Variants in SLC8A1 observed in about 807,000 individuals in gnomAD.
SLC8A1 encodes the protein sodium/calcium exchanger 1.
SLC8A1 carries 18 observed loss-of-function variants against 68.3 expected under a neutral mutation model. The observed-to-expected ratio is 0.26, with a 90% CI of 0.18 to 0.39. The LOEUF (loss-of-function observed/expected upper bound fraction) is 0.39. Ranked by LOEUF, SLC8A1 falls within the 10% of genes least tolerant of loss-of-function variation. SLC8A1 has a pLI of 1.00. For missense variants in SLC8A1, 985 were observed against 1,156.7 expected, an observed-to-expected ratio of 0.85 and a Z score of 2.15; for synonymous variants, 475 against 415.5, an observed-to-expected ratio of 1.14 and a Z score of -1.74.
chr2:40,106,950 C>G (rs2034235816), exon 8 of SLC8A1: 1 of 152,174 alleles, frequency 6.6e-6, no homozygotes, highest in Non-Finnish European at 1.5e-5. Context: ...TGAGAAATCT[C>G]AGGTACCAAC....
At chr2:40,496,923 G>T (rs1389966214) in intron 1 of SLC8A1, among the ~76,000 whole-genome samples, 1 of 124,062 alleles carries the variant, frequency 8.1e-6, no homozygotes, top group Non-Finnish European at 1.6e-5. Flanking sequence ...GGGGACTGTG[G>T]TGGGGTGGGG....
At chr2:40,417,666 GA>G (rs1214693039) in intron 2 of SLC8A1, among the ~76,000 whole-genome samples, 1 of 152,030 alleles carries the variant, frequency 6.6e-6, no homozygotes, top group African/African-American at 2.4e-5. Flanking sequence ...AAGCCACAGG[GA>G]TAAAATGAGG....
chr2:40,354,355 G>A (rs1336968034), intron 2 of SLC8A1, among the ~76,000 whole-genome samples: 8 of 146,206 alleles, frequency 5.5e-5, no homozygotes, highest in Non-Finnish European at 1.2e-4. Context: ...AAGGCATTTT[G>A]TAATCCAAAG....
chr2:40,157,681 A>T (rs917916376), intron 6 of SLC8A1, among the ~76,000 whole-genome samples: 1 of 152,196 alleles, frequency 6.6e-6, no homozygotes, highest in Non-Finnish European at 1.5e-5. Flanking sequence ...TGCTGGCTTC[A>T]TGGAGAAGGG....
intron 1 of SLC8A1, among the ~76,000 whole-genome samples, chr2:40,448,851 G>C (rs1701917936): frequency 6.6e-6 from 1 of 152,038 alleles, no homozygotes; most frequent in Non-Finnish European, 1.5e-5. Context: ...AAGATAAAGG[G>C]ACCAGGAAGA....
At chr2:40,436,370 T>G (rs1699420754) in intron 1 of SLC8A1, among the ~76,000 whole-genome samples, 1 of 152,154 alleles carries the variant, frequency 6.6e-6, no homozygotes, top group Admixed American at 6.5e-5. Flanking sequence ...TGTGAAATGG[T>G]TGCACCCTAA....
intron 2 of SLC8A1, among the ~76,000 whole-genome samples, chr2:40,294,989 T>C (rs1349877228): frequency 6.6e-6 from 1 of 152,086 alleles, no homozygotes; most frequent in Non-Finnish European, 1.5e-5. Flanking sequence ...GTTCAGAACT[T>C]TACCCAAATA....
chr2:40,127,652 C>G (rs759664505), intron 7 of SLC8A1, among the ~76,000 whole-genome samples: 2 of 152,250 alleles, frequency 1.3e-5, no homozygotes, highest in East Asian at 1.9e-4. Context: ...CTACAGCAAG[C>G]CTTTCTTGTT....
At chr2:40,463,290 C>G (rs977914701) in intron 1 of SLC8A1, among the ~76,000 whole-genome samples, 1 of 152,116 alleles carries the variant, frequency 6.6e-6, no homozygotes, top group African/African-American at 2.4e-5. Context: ...AGTTGAGGAA[C>G]TGAAAGGTCA....
At chr2:40,223,837 G>C (rs527664066) in intron 2 of SLC8A1, 2 of 151,818 alleles carry the variant, frequency 1.3e-5, no homozygotes, top group Non-Finnish European at 2.9e-5. Flanking sequence ...GCTTTTTCCC[G>C]AATCTGTTGG....
exon 8 of SLC8A1, chr2:40,115,006 A>G (rs990186532): frequency 1.6e-5 from 4 of 249,428 alleles, no homozygotes; most frequent in African/African-American, 8.9e-5. Context: ...CAACCTGGAG[A>G]GAGTGCAGCC....
intron 2 of SLC8A1, among the ~76,000 whole-genome samples, chr2:40,204,002 C>T (rs927206035): frequency 1.3e-5 from 2 of 151,794 alleles, no homozygotes; most frequent in African/African-American, 4.9e-5. Flanking sequence ...AGGTGTGAGC[C>T]ACCGTGCCCA....
intron 2 of SLC8A1, among the ~76,000 whole-genome samples, chr2:40,393,058 C>T (rs577348432): frequency 1.3e-5 from 2 of 152,084 alleles, no homozygotes; most frequent in African/African-American, 2.4e-5. Flanking sequence ...AGTGTTTCAT[C>T]TTTAGCTGAA....
intron 2 of SLC8A1, among the ~76,000 whole-genome samples, chr2:40,384,454 C>A (rs1002010863): frequency 6.6e-6 from 1 of 151,944 alleles, no homozygotes; most frequent in Non-Finnish European, 1.5e-5. Context: ...GTATAGAAGG[C>A]AACATTCTCT....
At chr2:40,308,505 G>C (rs1575262766) in intron 2 of SLC8A1, among the ~76,000 whole-genome samples, 1 of 152,162 alleles carries the variant, frequency 6.6e-6, no homozygotes, top group African/African-American at 2.4e-5. Flanking sequence ...ATTTCTGCTA[G>C]GCAGTAAATG....
At chr2:40,454,406 T>G (rs2149886433), upstream of SLC8A1, among the ~76,000 whole-genome samples, 1 of 152,256 alleles carries the variant, frequency 6.6e-6, no homozygotes, top group Admixed American at 6.5e-5. Context: ...TTAGGCATGT[T>G]TGTGACATGG....
At position 40,509,437 on chromosome 2, in the gene SLC8A1, ATTTTTTTTT is replaced by A. The variant is rs367549288; in HGVS notation, c.-25+2903_-25+2911del. ...AATCACCTGATCAAGGGGATTTGGA[ATTTTTTTTT>A]TTTTTTTTTTTTTTTTTAAGAATTG... On this transcript the variant is annotated intron_variant, in intron 1 of 7. Coordinates refer to the SLC8A1 transcript ENST00000402441. Among the ~76,000 whole-genome samples, 57 of 113,724 alleles carry A rather than the reference ATTTTTTTTT, an allele frequency of 5.0e-4. No individual in the cohort carries two copies. In the East Asian group the frequency reaches 8.0e-3, roughly 16 times the overall value. 74.6% of individuals were successfully genotyped at this position (113,724 alleles called of 152,430 possible).
chr2:40,401,905 T>C (rs918946247), intron 2 of SLC8A1, among the ~76,000 whole-genome samples: 2 of 152,174 alleles, frequency 1.3e-5, no homozygotes, highest in Admixed American at 6.5e-5. Flanking sequence ...AAAACTGTAA[T>C]TGGGTACTAA....
chr2:40,174,903 G>C, intron 3 of SLC8A1, 61 bp from the exon 5 acceptor site: 2 of 1,523,688 alleles, frequency 1.3e-6, no homozygotes, highest in Non-Finnish European at 1.8e-6. Context: ...ACAAATACCA[G>C]TGACATCAGA....
Sources: gnomAD v4.1 joint callset for allele counts (sites outside exome capture counted in the v4.1 genomes callset) on GRCh38, gnomAD v4.1.1 for gene constraint, MANE v1.5 for transcripts, NCBI Gene and HGNC (gene_info 2026-07-23, HGNC 2026-07-21) for gene names.